The following IL33 variants were observed in gnomAD, a reference collection of about 807,000 sequenced individuals.
IL33 encodes interleukin 33, also known as interleukin-33.
A neutral mutation model predicts 27.3 loss-of-function variants in IL33; 37 were observed. The ratio of observed to expected loss-of-function variants is 1.36; its 90% CI spans 1.04 to 1.78. IL33 has a LOEUF of 1.78. Ranked by LOEUF, IL33 falls within the 40% of genes most tolerant of loss-of-function variation. The pLI, the probability that IL33 is intolerant of heterozygous loss-of-function variation, is 0.00. For synonymous variants in IL33, 132 were observed against 102.9 expected (o/e 1.28, Z -1.71); for missense variants, 406 against 311.4 (o/e 1.30, Z -2.29).
intron 1 of IL33, among the ~76,000 whole-genome samples, chr9:6,229,578 C>T (rs1818825470): frequency 6.6e-6 from 1 of 152,174 alleles, no homozygotes; most frequent in South Asian, 2.1e-4. Context: ...AACAGCTCAA[C>T]CAGGGAATCT....
chr9:6,222,157 T>C (rs999787398), intron 1 of IL33, among the ~76,000 whole-genome samples: 1 of 152,204 alleles, frequency 6.6e-6, no homozygotes, highest in Non-Finnish European at 1.5e-5. Flanking sequence ...GATTGTGGCT[T>C]ATTTTATTCA....
chr9:6,246,430 C>T (rs1401505773), intron 2 of IL33, among the ~76,000 whole-genome samples: 11 of 151,994 alleles, frequency 7.2e-5, no homozygotes, highest in African/African-American at 1.9e-4. Context: ...GGCACCGTGG[C>T]GCACGCCTGT....
chr9:6,249,988 G>A (rs1055124426), intron 2 of IL33, among the ~76,000 whole-genome samples: 1 of 152,124 alleles, frequency 6.6e-6, no homozygotes, highest in Non-Finnish European at 1.5e-5. Context: ...CATTTCATAT[G>A]AGTAAAAGAT....
chr9:6,241,089 G>A (rs1275497169), intron 1 of IL33, among the ~76,000 whole-genome samples: 1 of 152,022 alleles, frequency 6.6e-6, no homozygotes, highest in Non-Finnish European at 1.5e-5. Context: ...AAGTTCTTCA[G>A]GGGCAATAAC....
intron 1 of IL33, among the ~76,000 whole-genome samples, chr9:6,223,789 C>A (rs1818512225): frequency 6.6e-6 from 1 of 152,174 alleles, no homozygotes; most frequent in Admixed American, 6.5e-5. Flanking sequence ...CTTAAGGACA[C>A]TTTTTGCTCG....
At chr9:6,220,203 G>A (rs73396600) in intron 1 of IL33, among the ~76,000 whole-genome samples, 1 of 152,128 alleles carries the variant, frequency 6.6e-6, no homozygotes, top group East Asian at 1.9e-4. Context: ...ACTTGGCTGA[G>A]CGCTTTACTT....
chr9:6,254,337 C>G, intron 6 of IL33, 125 bp from the exon 7 acceptor site: 1 of 530,284 alleles, frequency 1.9e-6, no homozygotes, highest in East Asian at 3.1e-5. Flanking sequence ...TTCTAAGATA[C>G]CTGTTAGTGA....
intron 2 of IL33, 131 bp from the exon 3 acceptor site, chr9:6,250,343 C>A: frequency 9.3e-7 from 1 of 1,071,010 alleles, no homozygotes; most frequent in Non-Finnish European, 1.3e-6. Flanking sequence ...TTTTGAAACA[C>A]AGCTGAGTTA....
At chr9:6,222,757 G>A (rs907082463) in intron 1 of IL33, among the ~76,000 whole-genome samples, 12 of 152,012 alleles carry the variant, frequency 7.9e-5, no homozygotes, top group African/African-American at 2.4e-4. Context: ...ATGCATTCCT[G>A]CTTTCAGGCA....
intron 1 of IL33, among the ~76,000 whole-genome samples, chr9:6,222,342 T>G (rs1048396556): frequency 2.6e-5 from 4 of 152,176 alleles, no homozygotes; most frequent in Non-Finnish European, 5.9e-5. Flanking sequence ...TTCAAAATAT[T>G]TAATAGCTGG....
chr9:6,219,412 C>T (rs565230945), intron 1 of IL33, among the ~76,000 whole-genome samples: 3 of 152,186 alleles, frequency 2.0e-5, no homozygotes, highest in Non-Finnish European at 2.9e-5. Flanking sequence ...CTCCCTATAG[C>T]GGACTCCTGG....
intron 1 of IL33, among the ~76,000 whole-genome samples, chr9:6,239,514 C>T (rs1299600651): frequency 2.6e-5 from 4 of 152,110 alleles, no homozygotes; most frequent in Admixed American, 2.0e-4. Flanking sequence ...GTTTTTCACA[C>T]CTTATGTAAA....
At chr9:6,247,695 GC>G (rs1819945812) in intron 2 of IL33, among the ~76,000 whole-genome samples, 1 of 152,024 alleles carries the variant, frequency 6.6e-6, no homozygotes, top group Non-Finnish European at 1.5e-5. Context: ...CCAGTGGAGT[GC>G]TCTCTCCTGC....
chr9:6,230,566 C>T (rs933406289), intron 1 of IL33, among the ~76,000 whole-genome samples: 2 of 152,202 alleles, frequency 1.3e-5, no homozygotes, highest in African/African-American at 4.8e-5. Context: ...CCATCCCCCG[C>T]TTCTCCTCCA....
At chr9:6,229,911 G>T (rs533966315) in intron 1 of IL33, among the ~76,000 whole-genome samples, 54 of 152,258 alleles carry the variant, frequency 3.5e-4, no homozygotes, top group Middle Eastern at 3.4e-3. Context: ...CAAAACATTT[G>T]AATTGGCCTC....
rs1359454061 is a variant in IL33, at chr9:6,254,535, C to T, written c.594C>T (p.Asn198=). Reference sequence around the variant, plus strand: ...AAGACTTCTGGTTGCATGCCAACAACAAGGAACACTCTGTGGAGGTAAAAA... The same window carrying T: ...AAGACTTCTGGTTGCATGCCAACAATAAGGAACACTCTGTGGAGGTAAAAA... ...PTKDFWLHAN[N]KEHSVELHKC... is the part of the protein sequence containing the mutation. Residue 198 remains asparagine (N), a synonymous_variant, in exon 7 of 8, where the codon AAC becomes AAT. Coordinates refer to ENST00000682010, the MANE Select transcript of IL33 (RefSeq NM_033439.4). The T allele has an allele frequency of 1.3e-6, 2 of 1,589,742 alleles. No homozygotes were observed. Among genetic ancestry groups the T allele is most frequent in the African/African-American group, 1.4e-5 (1 of 72,808 alleles).
chr9:6,225,925 A>G (rs1228938660), intron 1 of IL33, among the ~76,000 whole-genome samples: 1 of 152,162 alleles, frequency 6.6e-6, no homozygotes, highest in Non-Finnish European at 1.5e-5. Flanking sequence ...ATGAAGGCTC[A>G]TTATGATGCC....
chr9:6,241,729 T>C lies in IL33; in HGVS notation c.35T>C (p.Ile12Thr). The C allele has an allele frequency of 6.2e-7, 1 of 1,611,660 alleles. No individual in the cohort carries two copies. Among genetic ancestry groups the C allele is most frequent in the Non-Finnish European group, 8.5e-7 (1 of 1,178,602 alleles). Residue 12 changes from isoleucine to threonine, a missense_variant, in exon 2 of 8, where the codon ATT (isoleucine) becomes ACT (threonine). Physicochemically the swap from Ile to Thr is moderately conservative, Grantham distance 89 (BLOSUM62 -1). Transcript: ENST00000682010. ...AAAATGAAGTATTCAACCAACAAAA[T>C]TTCCACAGCAAAGTGGAAGAACACA... The part of the protein sequence containing the change: ...KPKMKYSTNK[I>T]STAKWKNTAS...
At chr9:6,244,238 T>C (rs771136456) in intron 2 of IL33, among the ~76,000 whole-genome samples, 1 of 152,154 alleles carries the variant, frequency 6.6e-6, no homozygotes, top group Admixed American at 6.5e-5. Context: ...ATAAAAATAA[T>C]CTCAAACTCA....
Sources: gnomAD v4.1 joint callset for allele counts (sites outside exome capture counted in the v4.1 genomes callset) on GRCh38, gnomAD v4.1.1 for gene constraint, MANE v1.5 for transcripts, NCBI Gene and HGNC (gene_info 2026-07-23, HGNC 2026-07-21) for gene names.